The following RIMBP2 variants were observed in gnomAD, a reference collection of about 807,000 sequenced individuals.
The protein encoded by RIMBP2 is RIMS-binding protein 2.
In RIMBP2, 48 loss-of-function variants were observed where a neutral mutation model predicts 118.6. The observed-to-expected ratio is 0.40, with a 90% confidence interval of 0.32 to 0.51. RIMBP2 has a LOEUF of 0.51. Among genes scored for constraint, RIMBP2 ranks in the 20% least tolerant of loss-of-function variants. RIMBP2 has a pLI of 0.41. For synonymous variants in RIMBP2, 762 were observed against 742.9 expected, an observed-to-expected ratio of 1.03 and a Z score of -0.42; for missense variants, 1,551 against 1,768.3, an observed-to-expected ratio of 0.88 and a Z score of 2.20.
intron 17 of RIMBP2, chr12:130,414,600 G>A (rs762554671): frequency 9.4e-5 from 24 of 255,312 alleles, no homozygotes; most frequent in East Asian, 1.7e-4. Flanking sequence ...GGCTGCGGCC[G>A]TGCCAGGGGC....
chr12:130,452,217 A>T (rs1346955398), intron 7 of RIMBP2, among the ~76,000 whole-genome samples: 2 of 152,182 alleles, frequency 1.3e-5, no homozygotes, highest in African/African-American at 4.8e-5. Context: ...TCACATCATG[A>T]CAGTCACCTC....
intron 2 of RIMBP2, among the ~76,000 whole-genome samples, chr12:130,615,272 C>CACACATATATATAT (rs1429575646): frequency 1.0e-4 from 4 of 38,806 alleles, no homozygotes; most frequent in African/African-American, 2.3e-4. Flanking sequence ...ACATAATACA[C>CACACATATATATAT]ATACATATAT....
At chr12:130,592,592 G>A (rs1366832391) in intron 2 of RIMBP2, among the ~76,000 whole-genome samples, 1 of 152,006 alleles carries the variant, frequency 6.6e-6, no homozygotes, top group East Asian at 1.9e-4. Flanking sequence ...AGGAGGCTGA[G>A]GCAGGAGAAC....
rs143438932 is a variant in RIMBP2 at position 130,431,073 on chromosome 12, T to C, written c.2254-2736A>G. Among the ~76,000 whole-genome samples, 541 of 152,342 alleles carry C rather than the reference T, an allele frequency of 3.6e-3. 14 individuals carry two copies. Among genetic ancestry groups the C allele is most frequent in the Admixed American group, 0.034 (515 of 15,304 alleles). On this transcript the variant is annotated intron_variant, in intron 14 of 22. Transcript: ENST00000690449. This position sits in a 1 kb window ranked among gnomAD's most constrained non-coding sequence, Gnocchi z 4.0. ...TATTGGTACAGTGAGCATTTCTCAT[T>C]GTGGACTTAATGAAAATGCTTTTGT...
rs563916329 is a variant in RIMBP2 at position 130,475,827 on chromosome 12, G to A, written c.102+3085C>T. 6.6e-6 allele frequency among the ~76,000 whole-genome samples: 1 copy of A among 152,226 alleles called. No individual in the cohort carries two copies. Among genetic ancestry groups the A allele is most frequent in the South Asian group, 2.1e-4 (1 of 4,820 alleles). On this transcript the variant is annotated intron_variant, in intron 5 of 22. Coordinates refer to ENST00000690449, the MANE Select transcript of RIMBP2 (RefSeq NM_001393629.1). This position sits in a 1 kb window ranked among gnomAD's most constrained non-coding sequence, Gnocchi z 4.1. ...GATGCTGCCGTTTACGGAGCTCAAG[G>A]AGTTCAGCAGAAGTGCAGGTGTTGG... is the stretch of plus-strand genomic sequence containing the variant.
intron 2 of RIMBP2, among the ~76,000 whole-genome samples, chr12:130,547,362 G>A (rs953242255): frequency 2.0e-5 from 3 of 152,216 alleles, no homozygotes; most frequent in African/African-American, 7.2e-5. Context: ...TGTGCGGATT[G>A]TTTAGAAACA....
intron 13 of RIMBP2, 130 bp from the exon 14 acceptor site, chr12:130,435,010 C>T: frequency 2.1e-6 from 2 of 935,780 alleles, no homozygotes; most frequent in Non-Finnish European, 3.1e-6. Flanking sequence ...GCTTTGGGCC[C>T]AGCTCTGCCG....
intron 2 of RIMBP2, among the ~76,000 whole-genome samples, chr12:130,594,610 G>A (rs1325368874): frequency 6.6e-6 from 1 of 152,160 alleles, no homozygotes; most frequent in Non-Finnish European, 1.5e-5. Context: ...TTATGAATTT[G>A]TGTTGGGCTG....
Position 130,621,371 on chromosome 12 carries a change from A to G in RIMBP2, c.-217+6951T>C, listed in dbSNP as rs2061302718. Among the ~76,000 whole-genome samples, 1 of 152,178 alleles carries G rather than the reference A, an allele frequency of 6.6e-6. No homozygotes were observed. Among genetic ancestry groups the G allele is most frequent in the Non-Finnish European group, 1.5e-5 (1 of 68,032 alleles). ...GCCTGTGAACTCCAAGTGCACCATTAAGGGACTCTGATTAAAGACTGACGC... is the reference window on the plus strand; with the variant it reads ...GCCTGTGAACTCCAAGTGCACCATTGAGGGACTCTGATTAAAGACTGACGC... On this transcript the variant is annotated intron_variant, in intron 2 of 22. Transcript: ENST00000690449. This position sits in a 1 kb window ranked among gnomAD's most constrained non-coding sequence, Gnocchi z 6.6.
intron 6 of RIMBP2, among the ~76,000 whole-genome samples, chr12:130,460,222 C>T (rs2079854128): frequency 6.6e-6 from 1 of 152,148 alleles, no homozygotes; most frequent in African/African-American, 2.4e-5. Context: ...GAACCCTCAG[C>T]TCTAGGTATC....
intron 1 of RIMBP2, among the ~76,000 whole-genome samples, chr12:130,679,955 C>T (rs921382669): frequency 6.0e-5 from 9 of 151,064 alleles, no homozygotes; most frequent in Non-Finnish European, 1.0e-4. Context: ...AGTGTGATCA[C>T]GCAGGGAGTG....
chr12:130,438,334 A>ATCGGGGCCCCCCCC, intron 12 of RIMBP2, 31 bp downstream of exon 12: 1 of 1,344,518 alleles, frequency 7.4e-7, no homozygotes, highest in East Asian at 2.4e-5. Context: ...GGGCCTAACA[A>ATCGGGGCCCCCCCC]ACCCTCCCCA....
At chr12:130,668,722 C>T (rs1276739322) in intron 1 of RIMBP2, among the ~76,000 whole-genome samples, 46 of 152,252 alleles carry the variant, frequency 3.0e-4, no homozygotes, top group Admixed American at 3.0e-3. Flanking sequence ...ATGGCCGGCT[C>T]TCCCCTGCCC....
At chr12:130,573,296 A>G (rs2057827844) in intron 2 of RIMBP2, among the ~76,000 whole-genome samples, 1 of 152,154 alleles carries the variant, frequency 6.6e-6, no homozygotes, top group South Asian at 2.1e-4. Flanking sequence ...CGATGATTGC[A>G]AAAATAACTG....
chr12:130,438,320 G>C (rs372710634), intron 12 of RIMBP2, 45 bp downstream of exon 12: 2 of 1,598,526 alleles, frequency 1.3e-6, no homozygotes, highest in Middle Eastern at 1.7e-4. Context: ...TCCCTGCTGC[G>C]TTAGGGCCTA....
chr12:130,574,826 C>T (rs1005603860), intron 2 of RIMBP2, among the ~76,000 whole-genome samples: 4 of 152,046 alleles, frequency 2.6e-5, no homozygotes, highest in African/African-American at 7.2e-5. Context: ...AGCCTGGTTC[C>T]CTCTGTCCAC....
Position 130,685,372 on chromosome 12 carries a change from T to C in RIMBP2, c.-352+30850A>G, listed in dbSNP as rs895570668. Among the ~76,000 whole-genome samples the C allele has an allele frequency of 3.3e-5, 5 of 152,064 alleles. No individual in the cohort carries two copies. The South Asian group carries it at 6.2e-4, about 19-fold the overall frequency. Reference sequence around the variant, plus strand: ...AAAAGCTATTAAATAAATAATAAAATTGAAAAACAGATGTTAAAAATGGAA... The same window carrying C: ...AAAAGCTATTAAATAAATAATAAAACTGAAAAACAGATGTTAAAAATGGAA... On this transcript the variant is annotated intron_variant, in intron 1 of 22. Coordinates refer to ENST00000690449, the MANE Select transcript of RIMBP2 (RefSeq NM_001393629.1).
At chr12:130,605,382 G>A (rs976192984) in intron 2 of RIMBP2, among the ~76,000 whole-genome samples, 3 of 152,128 alleles carry the variant, frequency 2.0e-5, no homozygotes, top group Non-Finnish European at 4.4e-5. Context: ...AGACTAAAAA[G>A]ACGTGGCTGC....
chr12:130,417,268 C>T (rs1439978488), intron 17 of RIMBP2, among the ~76,000 whole-genome samples: 1 of 152,120 alleles, frequency 6.6e-6, no homozygotes, highest in Non-Finnish European at 1.5e-5. Context: ...AGTCGTTTCA[C>T]CAAAAAGACA....
Sources: gnomAD v4.1 joint callset for allele counts (sites outside exome capture counted in the v4.1 genomes callset) on GRCh38, gnomAD v4.1.1 for gene constraint, Gnocchi (gnomAD v3.1) non-coding constraint, MANE v1.5 for transcripts, NCBI Gene and HGNC (gene_info 2026-07-23, HGNC 2026-07-21) for gene names.